Variants in ZFYVE28 observed in about 807,000 individuals in gnomAD.
ZFYVE28 encodes zinc finger FYVE-type containing 28, also known as lateral signaling target protein 2 homolog.
A neutral mutation model predicts 82.1 loss-of-function variants in ZFYVE28; 40 were observed. The observed-to-expected ratio is 0.49, with a 90% CI of 0.38 to 0.63. ZFYVE28 has a LOEUF of 0.63. Among genes scored for constraint, ZFYVE28 ranks in the 30% least tolerant of loss-of-function variants. The pLI is 0.00. For missense variants in ZFYVE28, 1,321 were observed against 1,242.1 expected (o/e 1.06, Z -0.96); for synonymous variants, 612 against 546.1 (o/e 1.12, Z -1.68).
At chr4:2,296,811 C>T (rs1203327735) in intron 8 of ZFYVE28, among the ~76,000 whole-genome samples, 2 of 152,208 alleles carry the variant, frequency 1.3e-5, no homozygotes, top group East Asian at 1.9e-4. Context: ...GTCCCCTTGT[C>T]CTGCAGTGGG....
chr4:2,301,538 A>G (rs373400185), intron 8 of ZFYVE28, among the ~76,000 whole-genome samples: 190 of 152,214 alleles, frequency 1.2e-3, no homozygotes, highest in African/African-American at 4.3e-3. Context: ...TGAGCTGCAT[A>G]AGGCCTGGGA....
chr4:2,415,359 G>A (rs1732918657), intron 1 of ZFYVE28, among the ~76,000 whole-genome samples: 1 of 152,010 alleles, frequency 6.6e-6, no homozygotes, highest in Admixed American at 6.6e-5. Flanking sequence ...GCTCACACCT[G>A]TAATCCCAGT....
chr4:2,349,725 G>A (rs920810002), intron 2 of ZFYVE28, among the ~76,000 whole-genome samples: 34 of 146,988 alleles, frequency 2.3e-4, no homozygotes, highest in Admixed American at 2.0e-4. Context: ...AGTATTTATC[G>A]AGTAAAAAAA....
intron 1 of ZFYVE28, among the ~76,000 whole-genome samples, chr4:2,407,209 T>C (rs1336637333): frequency 2.0e-5 from 3 of 152,180 alleles, no homozygotes; most frequent in Non-Finnish European, 2.9e-5. Flanking sequence ...TCAGCAATGA[T>C]TTGGGGGCGG....
chr4:2,305,522 G>A lies in ZFYVE28; in HGVS notation c.818C>T (p.Thr273Met), dbSNP rs145938457. The change falls in exon 8 of 13, where the codon ACG becomes ATG. Residue 273 changes from threonine (T) to methionine (M), a missense_variant. Thr to Met is a moderately conservative substitution (Grantham distance 81, BLOSUM62 -1). Around this residue, in one of 2 missense-constraint regions of ZFYVE28, gnomAD observed 343 missense variants for 408.4 expected, o/e 0.84. Transcript: ENST00000290974. ...CGTGTGCAGCTCCTCCTCCGTCAGC[G>A]TCTGCAGCAAATCCCTACGAATCAA... is the stretch of plus-strand genomic sequence containing the variant. ...LLRKIRDLLQ[T>M]LTEEELHTLE... 76 of 1,612,982 alleles carry A rather than the reference G, an allele frequency of 4.7e-5. No individual in the cohort carries two copies. The highest frequency in any genetic ancestry group is 3.1e-4 in the East Asian group (14 of 44,888).
intron 8 of ZFYVE28, among the ~76,000 whole-genome samples, chr4:2,290,225 T>C (rs1713408532): frequency 6.6e-6 from 1 of 152,208 alleles, no homozygotes. Flanking sequence ...CATATGGGGA[T>C]GGCCCGGCAG....
intron 6 of ZFYVE28, among the ~76,000 whole-genome samples, chr4:2,322,285 G>A (rs1719204425): frequency 6.6e-6 from 1 of 152,190 alleles, no homozygotes; most frequent in East Asian, 1.9e-4. Context: ...GCAGGAATCC[G>A]GCTGAAGAGG....
intron 1 of ZFYVE28, among the ~76,000 whole-genome samples, chr4:2,415,187 C>G (rs939473730): frequency 1.3e-5 from 2 of 152,186 alleles, no homozygotes; most frequent in African/African-American, 4.8e-5. Flanking sequence ...AACGTAGTAG[C>G]TAATTTTTAT....
intron 1 of ZFYVE28, among the ~76,000 whole-genome samples, chr4:2,407,452 G>A (rs1352517505): frequency 1.3e-5 from 2 of 151,964 alleles, no homozygotes; most frequent in African/African-American, 4.8e-5. Flanking sequence ...TGAGGGGCCT[G>A]CTGTGCCACT....
intron 6 of ZFYVE28, among the ~76,000 whole-genome samples, chr4:2,333,887 G>C (rs982310603): frequency 1.3e-5 from 2 of 152,206 alleles, no homozygotes; most frequent in Non-Finnish European, 2.9e-5. Flanking sequence ...TGGCCACAGA[G>C]AGACACTTGT....
At chr4:2,336,572 C>T (rs1255056788) in intron 5 of ZFYVE28, among the ~76,000 whole-genome samples, 2 of 149,356 alleles carry the variant, frequency 1.3e-5, no homozygotes, top group African/African-American at 4.9e-5. Flanking sequence ...GCCCCCCCCA[C>T]TCCCTAAAAA....
At chr4:2,313,567 T>C (rs79213910) in intron 7 of ZFYVE28, among the ~76,000 whole-genome samples, 3 of 152,082 alleles carry the variant, frequency 2.0e-5, no homozygotes, top group African/African-American at 7.2e-5. Flanking sequence ...CTCCACATAC[T>C]TTTAAGAAGA....
rs1261041329 is a variant in ZFYVE28 at position 2,354,054 on chromosome 4, A to G, written c.59T>C (p.Leu20Pro). Reference sequence around the variant, plus strand: ...CTCGTCGGCATAGTAGAACCGGGCAAGCAGCTGCGGATCCGACCTCTGCAG... The same window carrying G: ...CTCGTCGGCATAGTAGAACCGGGCAGGCAGCTGCGGATCCGACCTCTGCAG... The part of the protein sequence containing the change: ...YKPKRSDPQL[L>P]ARFYYADEEL... Residue 20 changes from leucine (L) to proline (P), a missense_variant, in exon 2 of 13, where the codon CTT becomes CCT. Leu to Pro is a moderately conservative substitution (Grantham distance 98). Coordinates refer to ENST00000290974, the MANE Select transcript of ZFYVE28 (RefSeq NM_020972.3). The G allele has an allele frequency of 6.4e-7, 1 of 1,572,954 alleles. No homozygotes were observed. The highest frequency in any genetic ancestry group is 1.2e-5 in the South Asian group (1 of 84,808).
intron 6 of ZFYVE28, chr4:2,330,625 G>A (rs936497639): frequency 7.3e-6 from 10 of 1,361,788 alleles, no homozygotes; most frequent in African/African-American, 3.0e-5. Context: ...CAAGGGGACA[G>A]CATAGAGGAG....
In ZFYVE28 at chr4:2,326,744, C is replaced by A. The variant is rs1719896335; in HGVS notation, c.702-6473G>T. Among the ~76,000 whole-genome samples, 5 of 152,092 alleles carry A rather than the reference C, an allele frequency of 3.3e-5. No homozygotes were observed. The South Asian group carries it at 8.3e-4, about 25-fold the overall frequency. On this transcript the variant is annotated intron_variant, in intron 6 of 12. Coordinates refer to ENST00000290974, the MANE Select transcript of ZFYVE28 (RefSeq NM_020972.3). ...TAGTTTTCTGTGTACAGGTTTTTCACCTCTGTGATAAAAATTATTCCTTAG... is the reference window on the plus strand; with the variant it reads ...TAGTTTTCTGTGTACAGGTTTTTCAACTCTGTGATAAAAATTATTCCTTAG...
intron 6 of ZFYVE28, among the ~76,000 whole-genome samples, chr4:2,334,361 T>G (rs1038215095): frequency 6.6e-6 from 1 of 151,726 alleles, no homozygotes; most frequent in Non-Finnish European, 1.5e-5. Context: ...TGCTCCCCAC[T>G]CCAACAAGGG....
chr4:2,390,074 T>C (rs146236608), intron 1 of ZFYVE28, among the ~76,000 whole-genome samples: 22 of 152,300 alleles, frequency 1.4e-4, no homozygotes, highest in African/African-American at 5.1e-4. Flanking sequence ...ATTAAGGATC[T>C]CGTGATGAGA....
At chr4:2,294,706 C>T (rs1162471518) in intron 8 of ZFYVE28, among the ~76,000 whole-genome samples, 2 of 152,118 alleles carry the variant, frequency 1.3e-5, no homozygotes. Context: ...AGAATTATAT[C>T]CAGAATATAT....
Position 2,339,734 on chromosome 4 carries a change from T to C in ZFYVE28, c.319-79A>G. The C allele has an allele frequency of 1.4e-6, 2 of 1,409,558 alleles. No homozygotes were observed. Among genetic ancestry groups the C allele is most frequent in the Non-Finnish European group, 1.9e-6 (2 of 1,053,920 alleles). 87.3% of individuals were successfully genotyped at this position (1,409,558 alleles called of 1,614,324 possible). A position where few individuals can be genotyped will look rare whatever the true frequency, so the allele number is the denominator to read the frequency against. ...GGGTCGCCGACCCGGGGAACCTGAC[T>C]GCGCACCTCGGGGCCCCTCTTCTCA... On this transcript the variant is annotated intron_variant, in intron 3 of 12. Coordinates refer to ENST00000290974, the MANE Select transcript of ZFYVE28 (RefSeq NM_020972.3). This position sits in a 1 kb window ranked among gnomAD's most constrained non-coding sequence, Gnocchi z 5.0.
Sources: allele counts gnomAD v4.1 joint callset (sites outside exome capture counted in the v4.1 genomes callset), GRCh38; gene constraint gnomAD v4.1.1; regional missense constraint gnomAD v4.1.1; non-coding constraint Gnocchi (gnomAD v3.1); transcripts MANE v1.5; gene names NCBI Gene and HGNC (gene_info 2026-07-23, HGNC 2026-07-21).